Variants in SPATS2 observed in about 807,000 individuals in gnomAD.
SPATS2 encodes spermatogenesis associated serine rich 2.
A neutral mutation model predicts 63.7 loss-of-function variants in SPATS2; 38 were observed. The ratio of observed to expected loss-of-function variants is 0.60; its 90% CI spans 0.46 to 0.78. SPATS2 has a LOEUF of 0.78. Ranked by LOEUF, SPATS2 falls within the 30% of genes least tolerant of loss-of-function variation. The pLI, the probability that SPATS2 is intolerant of heterozygous loss-of-function variation, is 0.00. For synonymous variants in SPATS2, 207 were observed against 232.9 expected, an observed-to-expected ratio of 0.89 and a Z score of 1.01; for missense variants, 588 against 666.2, an observed-to-expected ratio of 0.88 and a Z score of 1.29.
Position 49,523,986 on chromosome 12 carries a change from G to A in SPATS2, c.1112-696G>A, listed in dbSNP as rs535570925. ...AAAGTGAAATATTTCACCTATGGCA[G>A]CAATTATAAACTCATCATTAATCCA... On this transcript the variant is annotated intron_variant, in intron 12 of 13. Transcript: ENST00000552918. Among the ~76,000 whole-genome samples the A allele has an allele frequency of 1.1e-4, 17 of 151,978 alleles. No homozygotes were observed. The South Asian group carries it at 3.3e-3, about 30-fold the overall frequency.
At position 49,367,480 on chromosome 12, in the gene SPATS2, T is replaced by G. The variant is rs971977603; in HGVS notation, c.-414T>G. The G allele has an allele frequency of 1.4e-3, 564 of 398,778 alleles. 1 individual carries two copies. The highest frequency in any genetic ancestry group is 3.4e-3 in the Admixed American group (78 of 22,612). 24.7% of individuals were successfully genotyped at this position (398,778 alleles called of 1,614,324 possible). A position where few individuals can be genotyped will look rare whatever the true frequency, so the allele number is the denominator to read the frequency against. On this transcript the variant is annotated 5_prime_UTR_variant, in exon 1 of 14. Transcript: ENST00000552918. ...GCGCGGCGGCGACGGCGGCGGTGGC[T>G]CTAGAAGGGGAGGTGGAGGATCTCC...
At position 49,476,422 on chromosome 12, in the gene SPATS2, A is replaced by G. The variant is rs75698204; in HGVS notation, c.26-8168A>G. On this transcript the variant is annotated intron_variant, in intron 3 of 13. Coordinates refer to ENST00000552918, the MANE Select transcript of SPATS2 (RefSeq NM_023071.4). ...AACCTTGCACTCATTCTTCAAGCCC[A>G]TGTGTAATCTGATTCTTCTGGTACA... Among the ~76,000 whole-genome samples the G allele has an allele frequency of 4.6e-3, 698 of 152,266 alleles. 1 individual carries two copies. Among genetic ancestry groups the G allele is most frequent in the African/African-American group, 0.016 (673 of 41,554 alleles).
intron 3 of SPATS2, among the ~76,000 whole-genome samples, chr12:49,482,589 C>T (rs1182436436): frequency 6.6e-6 from 1 of 152,172 alleles, no homozygotes; most frequent in African/African-American, 2.4e-5. Context: ...CTACTCTTTG[C>T]TAACACCTTT....
intron 2 of SPATS2, among the ~76,000 whole-genome samples, chr12:49,400,078 A>G (rs1003099070): frequency 2.0e-5 from 3 of 152,214 alleles, no homozygotes; most frequent in African/African-American, 7.2e-5. Context: ...AGGCACTGTT[A>G]GAGTTACAGC....
intron 2 of SPATS2, among the ~76,000 whole-genome samples, chr12:49,401,063 G>A (rs1038970161): frequency 1.3e-5 from 2 of 151,856 alleles, no homozygotes; most frequent in Non-Finnish European, 2.9e-5. Flanking sequence ...TTTTTGTAGA[G>A]ACAAAGTCTT....
At chr12:49,409,592 A>AT (rs753378038) in intron 2 of SPATS2, among the ~76,000 whole-genome samples, 8,535 of 73,482 alleles carry the variant, frequency 0.12, 1,488 homozygotes, top group African/African-American at 0.18. Context: ...GTGCCCAGCA[A>AT]TTTTTTTTTT....
intron 9 of SPATS2, among the ~76,000 whole-genome samples, chr12:49,510,459 A>C (rs771338287): frequency 1.3e-4 from 19 of 140,866 alleles, no homozygotes; most frequent in Non-Finnish European, 2.4e-4. Context: ...AGCTACTTAG[A>C]GGGCTGAGGC....
chr12:49,423,496 C>T (rs966897355), intron 2 of SPATS2, among the ~76,000 whole-genome samples: 2 of 152,148 alleles, frequency 1.3e-5, no homozygotes, highest in Non-Finnish European at 2.9e-5. Flanking sequence ...GCTTGGTCCC[C>T]ACTTTTCCAC....
At chr12:49,393,123 G>A (rs1944448464) in intron 2 of SPATS2, among the ~76,000 whole-genome samples, 1 of 152,080 alleles carries the variant, frequency 6.6e-6, no homozygotes, top group Non-Finnish European at 1.5e-5. Context: ...GCCAATTGGA[G>A]TCGTATTTTT....
intron 2 of SPATS2, 37 bp downstream of exon 2, chr12:49,371,327 T>A (rs1306948624): frequency 6.6e-6 from 1 of 152,276 alleles, no homozygotes. Flanking sequence ...TTTTTGTGTC[T>A]GGTGTGTACC....
intron 9 of SPATS2, among the ~76,000 whole-genome samples, chr12:49,511,337 A>G (rs1004035895): frequency 2.6e-5 from 4 of 152,222 alleles, no homozygotes; most frequent in Non-Finnish European, 5.9e-5. Context: ...ATCCAAATCT[A>G]TCTTTCATGA....
intron 4 of SPATS2, 56 bp from the exon 5 acceptor site, chr12:49,489,409 C>T (rs1483456443): frequency 3.6e-6 from 5 of 1,403,098 alleles, no homozygotes; most frequent in Non-Finnish European, 5.0e-6. Flanking sequence ...GTATAGGCCT[C>T]AGCTGCCTAG....
intron 2 of SPATS2, among the ~76,000 whole-genome samples, chr12:49,431,034 G>A (rs1291421874): frequency 6.6e-6 from 1 of 152,064 alleles, no homozygotes; most frequent in African/African-American, 2.4e-5. Context: ...GAACAGATAA[G>A]ATGTTTATAT....
intron 2 of SPATS2, among the ~76,000 whole-genome samples, chr12:49,450,690 T>C (rs544510672): frequency 6.6e-6 from 1 of 151,600 alleles, no homozygotes; most frequent in African/African-American, 2.4e-5. Context: ...ATTACAGGCA[T>C]GCGTCACCAT....
chr12:49,426,433 T>A (rs561249752), intron 2 of SPATS2, among the ~76,000 whole-genome samples: 1 of 152,340 alleles, frequency 6.6e-6, no homozygotes, highest in East Asian at 1.9e-4. Context: ...ATTATGAGGT[T>A]CATATAAATG....
At chr12:49,419,087 T>C (rs575226041) in intron 2 of SPATS2, among the ~76,000 whole-genome samples, 1 of 152,280 alleles carries the variant, frequency 6.6e-6, no homozygotes. Context: ...CCTGAGTGGT[T>C]TGGAGGGAGT....
At chr12:49,432,111 G>T (rs1364318048) in intron 2 of SPATS2, among the ~76,000 whole-genome samples, 2 of 152,176 alleles carry the variant, frequency 1.3e-5, no homozygotes, top group Non-Finnish European at 2.9e-5. Flanking sequence ...GATGTGAGGG[G>T]CCTGTTTGTC....
intron 11 of SPATS2, among the ~76,000 whole-genome samples, chr12:49,521,637 C>T (rs151141750): frequency 3.3e-5 from 5 of 152,200 alleles, no homozygotes; most frequent in African/African-American, 1.2e-4. Context: ...TTTCTCTCCA[C>T]TTTTTCAGTG....
At chr12:49,392,587 C>T (rs527403088) in intron 2 of SPATS2, among the ~76,000 whole-genome samples, 2 of 151,508 alleles carry the variant, frequency 1.3e-5, no homozygotes, top group African/African-American at 4.8e-5. Context: ...GTGGCAGGTG[C>T]CTGTAGTCCC....
Sources: allele counts gnomAD v4.1 joint callset (sites outside exome capture counted in the v4.1 genomes callset), GRCh38; gene constraint gnomAD v4.1.1; transcripts MANE v1.5; gene names NCBI Gene and HGNC (gene_info 2026-07-23, HGNC 2026-07-21).